Variants in TMEM236 observed in about 807,000 individuals in gnomAD.
TMEM236 encodes the protein family with sequence similarity 23, member A.
A neutral mutation model predicts 14.7 loss-of-function variants in TMEM236; 11 were observed. The observed-to-expected ratio is 0.75, with a 90% CI of 0.47 to 1.24. The LOEUF (loss-of-function observed/expected upper bound fraction) is 1.24, where lower values mean the gene tolerates loss of function less well. Among genes scored for constraint, TMEM236 ranks in the 50% most tolerant of loss-of-function variants. TMEM236 has a pLI of 0.00. For missense variants in TMEM236, 464 were observed against 427.3 expected (o/e 1.09, Z -0.76); for synonymous variants, 182 against 168.6 (o/e 1.08, Z -0.62).
intron 2 of TMEM236, among the ~76,000 whole-genome samples, chr10:17,772,194 A>T (rs1478433899): frequency 6.6e-6 from 1 of 152,338 alleles, no homozygotes; most frequent in East Asian, 1.9e-4. Context: ...AGGCAATTAG[A>T]ACAAGTATCA....
At chr10:17,771,995 T>C (rs1259502448) in intron 2 of TMEM236, among the ~76,000 whole-genome samples, 1 of 152,212 alleles carries the variant, frequency 6.6e-6, no homozygotes, top group Non-Finnish European at 1.5e-5. Flanking sequence ...AGATAACTTT[T>C]ATTTTCCCAA....
At chr10:17,787,755 G>A (rs1837862395) in intron 3 of TMEM236, among the ~76,000 whole-genome samples, 1 of 152,130 alleles carries the variant, frequency 6.6e-6, no homozygotes, top group African/African-American at 2.4e-5. Context: ...GACGCTCCAG[G>A]GCTCTTAAAC....
At chr10:17,766,059 T>G (rs1279690825) in intron 1 of TMEM236, among the ~76,000 whole-genome samples, 3 of 152,234 alleles carry the variant, frequency 2.0e-5, no homozygotes, top group African/African-American at 4.8e-5. Flanking sequence ...CTTGGTGTTC[T>G]CTTCTGAGCA....
chr10:17,797,843 A>G lies in TMEM236; in HGVS notation c.*1339A>G, dbSNP rs1838042237. 6.6e-6 allele frequency: 1 copy of G among 152,270 alleles called. No individual in the cohort carries two copies. Among genetic ancestry groups the G allele is most frequent in the Non-Finnish European group, 1.5e-5 (1 of 68,092 alleles). 9.4% of individuals were successfully genotyped at this position (152,270 alleles called of 1,614,324 possible). Reference sequence around the variant, plus strand: ...ATCAGTAATACCAAGATAAAGTTTCATAATAAAAAGCCATAAAGTGAAGAC... The same window carrying G: ...ATCAGTAATACCAAGATAAAGTTTCGTAATAAAAAGCCATAAAGTGAAGAC... On this transcript the variant is annotated 3_prime_UTR_variant, in exon 4 of 4. Coordinates refer to ENST00000377495, the MANE Select transcript of TMEM236 (RefSeq NM_001098844.3).
Position 17,752,236 on chromosome 10 carries a change from A to T in TMEM236, c.-60A>T. ...ATCCCAGTTCAGTGTCTGTGGGTCC[A>T]TATGCTGCCCACAGTCAAAGAGGGA... On this transcript the variant is annotated 5_prime_UTR_variant, in exon 1 of 4. Coordinates refer to ENST00000377495, the MANE Select transcript of TMEM236 (RefSeq NM_001098844.3). The T allele has an allele frequency of 6.2e-7, 1 of 1,613,774 alleles. No homozygotes were observed. The highest frequency in any genetic ancestry group is 8.5e-7 in the Non-Finnish European group (1 of 1,179,778).
At chr10:17,765,238 G>A (rs1837443926) in intron 1 of TMEM236, among the ~76,000 whole-genome samples, 3 of 152,116 alleles carry the variant, frequency 2.0e-5, no homozygotes, top group South Asian at 2.1e-4. Context: ...ACATTCGGAG[G>A]TACTGGGGGC....
At chr10:17,793,441 A>C (rs907330604) in intron 3 of TMEM236, among the ~76,000 whole-genome samples, 1 of 152,196 alleles carries the variant, frequency 6.6e-6, no homozygotes, top group African/African-American at 2.4e-5. Context: ...AGGACATGAC[A>C]TATTATAAGG....
chr10:17,781,109 T>G (rs1482306603), intron 3 of TMEM236, among the ~76,000 whole-genome samples: 1 of 152,172 alleles, frequency 6.6e-6, no homozygotes, highest in Non-Finnish European at 1.5e-5. Flanking sequence ...TAGTCCCAGG[T>G]GGCCTTTTCC....
chr10:17,771,526 A>G (rs1837573188), intron 2 of TMEM236, 145 bp downstream of exon 2: 1 of 800,614 alleles, frequency 1.2e-6, no homozygotes, highest in Non-Finnish European at 2.1e-6. Context: ...TATGTTATTT[A>G]AAGTACTGAG....
rs926796530 is a variant in TMEM236, at chr10:17,796,842, C to T, written c.*338C>T. ...CTGTTAGCAAGCAGACCGCACAGCA[C>T]GTGGTGAACCTCAAACTGAGCGTTC... On this transcript the variant is annotated 3_prime_UTR_variant, in exon 4 of 4. Coordinates refer to ENST00000377495, the MANE Select transcript of TMEM236 (RefSeq NM_001098844.3). 26 of 324,344 alleles carry T rather than the reference C, an allele frequency of 8.0e-5. No homozygotes were observed. The highest frequency in any genetic ancestry group is 1.3e-4 in the African/African-American group (6 of 45,800). 20.1% of individuals were successfully genotyped at this position (324,344 alleles called of 1,614,324 possible).
At chr10:17,785,671 T>C (rs1837823795) in intron 3 of TMEM236, among the ~76,000 whole-genome samples, 2 of 152,068 alleles carry the variant, frequency 1.3e-5, no homozygotes, top group Non-Finnish European at 2.9e-5. Context: ...TAGTGCGAGC[T>C]GAATTTCCAT....
chr10:17,779,626 G>T (rs995827349), intron 3 of TMEM236, among the ~76,000 whole-genome samples: 2 of 152,030 alleles, frequency 1.3e-5, no homozygotes, highest in African/African-American at 2.4e-5. Context: ...GGCCAGGCTG[G>T]TCTTGAACTC....
At chr10:17,774,425 T>A (rs1243509592) in intron 2 of TMEM236, among the ~76,000 whole-genome samples, 1 of 152,224 alleles carries the variant, frequency 6.6e-6, no homozygotes, top group Non-Finnish European at 1.5e-5. Context: ...TTTTTGTATA[T>A]GTTGTACAGC....
At chr10:17,767,941 G>A (rs902713886) in intron 1 of TMEM236, among the ~76,000 whole-genome samples, 14 of 144,568 alleles carry the variant, frequency 9.7e-5, no homozygotes, top group Non-Finnish European at 1.8e-4. Flanking sequence ...ACAGTGTCTC[G>A]CTCTGTCACC....
Position 17,776,060 on chromosome 10 carries a change from T to A in TMEM236, c.362T>A (p.Val121Asp). Residue 121 changes from valine (V) to aspartate (D), a missense_variant, in exon 3 of 4, where the codon GTC becomes GAC. Val to Asp is a radical substitution (Grantham distance 152). Transcript: ENST00000377495. ...VQKSINGSAD[V>D]LPDMLPDLPV... ...AAGAGCATTAATGGGTCCGCTGATGTCTTACCTGATATGTTACCTGACCTG... is the reference window on the plus strand; with the variant it reads ...AAGAGCATTAATGGGTCCGCTGATGACTTACCTGATATGTTACCTGACCTG... The A allele has an allele frequency of 6.2e-7, 1 of 1,613,906 alleles. No homozygotes were observed. The highest frequency in any genetic ancestry group is 8.5e-7 in the Non-Finnish European group (1 of 1,179,838).
chr10:17,772,906 G>A (rs1176364012), intron 2 of TMEM236, among the ~76,000 whole-genome samples: 2 of 151,926 alleles, frequency 1.3e-5, no homozygotes, highest in Non-Finnish European at 2.9e-5. Context: ...TAGTTTGTCT[G>A]TTTTTGAAAT....
At chr10:17,766,664 T>C (rs1167952493) in intron 1 of TMEM236, among the ~76,000 whole-genome samples, 2 of 152,194 alleles carry the variant, frequency 1.3e-5, no homozygotes, top group African/African-American at 2.4e-5. Context: ...GCATTCCACA[T>C]TGCAGTCGCA....
chr10:17,771,340 A>AC lies in TMEM236; in HGVS notation c.291dup (p.Thr98HisfsTer13), dbSNP rs1237654989. 5 of 1,613,816 alleles carry AC rather than the reference A, an allele frequency of 3.1e-6. No homozygotes were observed. The African/African-American group carries it at 6.7e-5, about 22-fold the overall frequency. Reference sequence around the variant, plus strand: ...TGTTCTGATGATGTGTGTGGTCCTCACCACACTGCCCTGCCTCACCTTTTC... The same window carrying AC: ...TGTTCTGATGATGTGTGTGGTCCTCACCCACACTGCCCTGCCTCACCTTTTC... On this transcript the variant is annotated frameshift_variant, in exon 2 of 4. Coordinates refer to ENST00000377495, the MANE Select transcript of TMEM236 (RefSeq NM_001098844.3). LOFTEE classifies it high-confidence loss of function.
At position 17,798,566 on chromosome 10, in the gene TMEM236, G is replaced by A. The variant is rs1838051079; in HGVS notation, c.*2062G>A. On this transcript the variant is annotated 3_prime_UTR_variant, in exon 4 of 4. Coordinates refer to ENST00000377495, the MANE Select transcript of TMEM236 (RefSeq NM_001098844.3). Reference sequence around the variant, plus strand: ...AAAATAAAAGAGAATTTGACGTTGTGTTATTCTACGCTCCACCAAATACCT... The same window carrying A: ...AAAATAAAAGAGAATTTGACGTTGTATTATTCTACGCTCCACCAAATACCT... 1 of 534,214 alleles carries A rather than the reference G, an allele frequency of 1.9e-6. No individual in the cohort carries two copies. Among genetic ancestry groups the A allele is most frequent in the South Asian group, 1.4e-5 (1 of 71,562 alleles). 33.1% of individuals were successfully genotyped at this position (534,214 alleles called of 1,614,324 possible).
Sources: allele counts gnomAD v4.1 joint callset (sites outside exome capture counted in the v4.1 genomes callset), GRCh38; gene constraint gnomAD v4.1.1; transcripts MANE v1.5; gene names NCBI Gene and HGNC (gene_info 2026-07-23, HGNC 2026-07-21).